Variants in SUPT3H observed in about 807,000 individuals in gnomAD.
The protein encoded by SUPT3H is transcription initiation protein SPT3 homolog.
Under a neutral mutation model 44.3 loss-of-function variants are expected in SUPT3H, and 44 were observed. The ratio of observed to expected loss-of-function variants is 0.99; its 90% CI spans 0.78 to 1.28. SUPT3H has a LOEUF of 1.28. Among genes scored for constraint, SUPT3H ranks in the 50% most tolerant of loss-of-function variants. The probability of loss-of-function intolerance (pLI) is 0.00; values close to 1 mark genes in which losing one functional copy is unlikely to be tolerated. For synonymous variants in SUPT3H, 124 were observed against 125.6 expected, an observed-to-expected ratio of 0.99 and a Z score of 0.09; for missense variants, 380 against 387.1, an observed-to-expected ratio of 0.98 and a Z score of 0.15.
intron 2 of SUPT3H, among the ~76,000 whole-genome samples, chr6:45,155,626 C>A (rs953409586): frequency 1.3e-5 from 2 of 151,994 alleles, no homozygotes; most frequent in African/African-American, 2.4e-5. Flanking sequence ...GGCCTATGTA[C>A]AAAGATAAGC....
intron 1 of SUPT3H, among the ~76,000 whole-genome samples, chr6:45,367,292 G>A (rs1038730726): frequency 6.6e-6 from 1 of 152,096 alleles, no homozygotes; most frequent in Admixed American, 6.6e-5. Context: ...CACTTAAACT[G>A]AGCCCGAAAA....
At chr6:45,288,904 GTTT>G (rs1418257083) in intron 2 of SUPT3H, among the ~76,000 whole-genome samples, 1 of 151,820 alleles carries the variant, frequency 6.6e-6, no homozygotes, top group Non-Finnish European at 1.5e-5. Context: ...CACTGACTCA[GTTT>G]TAAAGAATTA....
chr6:44,928,891 A>AAAATAAAAAAAAAAAAT (rs1770026161), intron 10 of SUPT3H, among the ~76,000 whole-genome samples: 1 of 122,182 alleles, frequency 8.2e-6, no homozygotes, highest in African/African-American at 4.0e-5. Flanking sequence ...TCAAAAAAAA[A>AAAATAAAAAAAAAAAAT]AAAAAAAAAA....
chr6:45,305,159 C>T (rs2149952243), intron 2 of SUPT3H, among the ~76,000 whole-genome samples: 1 of 152,258 alleles, frequency 6.6e-6, no homozygotes, highest in Non-Finnish European at 1.5e-5. Flanking sequence ...CATTAGACTC[C>T]CTGAACTACC....
intron 10 of SUPT3H, among the ~76,000 whole-genome samples, chr6:44,870,946 A>G (rs1257607172): frequency 1.3e-5 from 2 of 151,700 alleles, no homozygotes; most frequent in Non-Finnish European, 2.9e-5. Flanking sequence ...AGACCGGCTT[A>G]AAAAACGGCG....
chr6:45,340,229 T>A lies in SUPT3H; in HGVS notation c.101+24972A>T, dbSNP rs919289941. Among the ~76,000 whole-genome samples, 5 of 152,070 alleles carry A rather than the reference T, an allele frequency of 3.3e-5. No homozygotes were observed. The East Asian group carries it at 9.6e-4, about 29-fold the overall frequency. The stretch of plus-strand genomic sequence containing the variant: ...TAATCCTGGAGTCTTCAAATTACCC[T>A]GCCACATATCTTTAAGAAATACTAA... On this transcript the variant is annotated intron_variant, in intron 2 of 10. Coordinates refer to ENST00000371459, the MANE Select transcript of SUPT3H (RefSeq NM_003599.4).
intron 2 of SUPT3H, among the ~76,000 whole-genome samples, chr6:45,318,744 C>G (rs556815033): frequency 3.3e-5 from 5 of 151,892 alleles, no homozygotes; most frequent in Non-Finnish European, 7.4e-5. Context: ...TAGGATTTCT[C>G]AATTTTCAAA....
intron 6 of SUPT3H, 86 bp downstream of exon 6, chr6:45,003,567 A>G: frequency 6.8e-7 from 1 of 1,461,818 alleles, no homozygotes; most frequent in Non-Finnish European, 9.2e-7. Flanking sequence ...TTCAGACAAC[A>G]TTTAAAGAAC....
chr6:45,153,314 G>C (rs892941853), intron 2 of SUPT3H, among the ~76,000 whole-genome samples: 1 of 152,112 alleles, frequency 6.6e-6, no homozygotes. Context: ...CCAGAACAAT[G>C]CCTTAGGCAT....
chr6:45,325,076 C>T (rs1450952561), intron 2 of SUPT3H, among the ~76,000 whole-genome samples: 1 of 151,460 alleles, frequency 6.6e-6, no homozygotes, highest in Non-Finnish European at 1.5e-5. Context: ...AAATAAGAAA[C>T]AGTCACATAC....
intron 10 of SUPT3H, among the ~76,000 whole-genome samples, chr6:44,870,371 A>G (rs941690733): frequency 2.0e-5 from 3 of 152,064 alleles, no homozygotes; most frequent in African/African-American, 7.2e-5. Flanking sequence ...CTGAGGCAGG[A>G]GGATCTCTTG....
chr6:45,146,653 C>T (rs1042167265), intron 2 of SUPT3H, among the ~76,000 whole-genome samples: 26 of 152,090 alleles, frequency 1.7e-4, no homozygotes, highest in African/African-American at 6.0e-4. Flanking sequence ...ATACATGTAG[C>T]AACAATATAA....
At chr6:45,320,886 G>A (rs1201239037) in intron 2 of SUPT3H, among the ~76,000 whole-genome samples, 1 of 152,126 alleles carries the variant, frequency 6.6e-6, no homozygotes, top group Non-Finnish European at 1.5e-5. Flanking sequence ...TATTAGTACA[G>A]TTGTAGTAGT....
chr6:45,157,805 C>T (rs2153599396), intron 2 of SUPT3H, among the ~76,000 whole-genome samples: 1 of 151,574 alleles, frequency 6.6e-6, no homozygotes, highest in East Asian at 1.9e-4. Context: ...CCTCGGCCTC[C>T]CAAGTGCTGG....
chr6:44,837,146 A>T (rs1015854399), intron 10 of SUPT3H, among the ~76,000 whole-genome samples: 1 of 152,316 alleles, frequency 6.6e-6, no homozygotes, highest in Non-Finnish European at 1.5e-5. Flanking sequence ...GATACAAGAT[A>T]AAAACAAAAA....
chr6:45,280,065 T>C (rs930874449), intron 2 of SUPT3H, among the ~76,000 whole-genome samples: 3 of 152,194 alleles, frequency 2.0e-5, no homozygotes, highest in African/African-American at 7.2e-5. Flanking sequence ...TTGACTCTTT[T>C]AAATATATCG....
At chr6:44,933,467 T>C (rs1038315191) in intron 9 of SUPT3H, among the ~76,000 whole-genome samples, 7 of 152,202 alleles carry the variant, frequency 4.6e-5, no homozygotes, top group African/African-American at 9.7e-5. Flanking sequence ...AAATAACTTA[T>C]AGGGCTAGGG....
intron 10 of SUPT3H, among the ~76,000 whole-genome samples, chr6:44,837,044 T>C (rs1431630575): frequency 1.3e-5 from 2 of 152,236 alleles, no homozygotes; most frequent in Admixed American, 1.3e-4. Flanking sequence ...AATAGTAGGT[T>C]TGTAATAGAT....
chr6:45,206,158 A>G (rs1763194779), intron 2 of SUPT3H, among the ~76,000 whole-genome samples: 1 of 152,206 alleles, frequency 6.6e-6, no homozygotes, highest in Admixed American at 6.5e-5. Context: ...AACTGACTAA[A>G]ATACATTTAT....
Sources: gnomAD v4.1 joint callset for allele counts (sites outside exome capture counted in the v4.1 genomes callset) on GRCh38, gnomAD v4.1.1 for gene constraint, MANE v1.5 for transcripts, NCBI Gene and HGNC (gene_info 2026-07-23, HGNC 2026-07-21) for gene names.